PPARD: variants seen among roughly 807,000 people sequenced by gnomAD.
PPARD encodes the protein peroxisome proliferator-activated receptor delta.
PPARD carries 6 observed loss-of-function variants against 39.5 expected under a neutral mutation model. The observed-to-expected ratio is 0.15, with a 90% CI of 0.08 to 0.30. The LOEUF is 0.30. PPARD is among the 10% of genes least tolerant of loss of function. The pLI is 1.00. For missense variants in PPARD, 397 were observed against 596.8 expected (o/e 0.67, Z 3.49); for synonymous variants, 210 against 231.3 (o/e 0.91, Z 0.83).
chr6:35,404,461 G>T (rs2150744636), intron 2 of PPARD, among the ~76,000 whole-genome samples: 1 of 152,310 alleles, frequency 6.6e-6, no homozygotes, highest in East Asian at 1.9e-4. Flanking sequence ...GCTGTACCAT[G>T]TGGCAGATGG....
rs571910188 is a variant in PPARD, at chr6:35,412,090, G to A, written c.130+873G>A. Among the ~76,000 whole-genome samples the A allele has an allele frequency of 3.3e-5, 5 of 152,074 alleles. No individual in the cohort carries two copies. Among genetic ancestry groups the A allele is most frequent in the Non-Finnish European group, 7.4e-5 (5 of 68,000 alleles). Reference sequence around the variant, plus strand: ...ATTATAGGCGTGCACCACCACGCCCGGCTAATTTTTGTATTTTTTTAGTAA... The same window carrying A: ...ATTATAGGCGTGCACCACCACGCCCAGCTAATTTTTGTATTTTTTTAGTAA... On this transcript the variant is annotated intron_variant, in intron 3 of 7. Coordinates refer to ENST00000360694, the MANE Select transcript of PPARD (RefSeq NM_006238.5). The surrounding 1 kb of genome is among the most constrained non-coding windows in gnomAD (Gnocchi z 4.1).
Position 35,426,961 on chromosome 6 carries a change from A to T in PPARD, c.*882A>T, listed in dbSNP as rs45621342. 3.8e-3 allele frequency: 572 copies of T among 152,532 alleles called. 3 individuals carry two copies. Among genetic ancestry groups the T allele is most frequent in the Non-Finnish European group, 7.1e-3 (482 of 68,172 alleles). 9.4% of individuals were successfully genotyped at this position (152,532 alleles called of 1,614,324 possible). ...TCCAGGTGGGCCCCCACCTCACTGA[A>T]GAGGAGCAAGTCTCAAGAGAAGGAG... On this transcript the variant is annotated 3_prime_UTR_variant, in exon 8 of 8. Transcript: ENST00000360694.
At chr6:35,375,553 G>T (rs1303515287) in intron 2 of PPARD, among the ~76,000 whole-genome samples, 5 of 151,380 alleles carry the variant, frequency 3.3e-5, no homozygotes, top group Admixed American at 3.3e-4. Flanking sequence ...TACTTCCGTT[G>T]TTTTTTTCTT....
intron 2 of PPARD, among the ~76,000 whole-genome samples, chr6:35,392,529 G>A (rs1050832242): frequency 2.0e-5 from 3 of 152,134 alleles, no homozygotes; most frequent in Non-Finnish European, 4.4e-5. Context: ...GGCCAGTCCA[G>A]ATGGATGAAG....
chr6:35,412,752 C>G lies in PPARD; in HGVS notation c.130+1535C>G, dbSNP rs766847864. On this transcript the variant is annotated intron_variant, in intron 3 of 7. Coordinates refer to ENST00000360694, the MANE Select transcript of PPARD (RefSeq NM_006238.5). The surrounding 1 kb of genome is among the most constrained non-coding windows in gnomAD (Gnocchi z 4.1). ...AGTAGGCCAAATGTGATTCTAGGGC[C>G]AAAGTGAAGGTGTCCGCCATTCCCC... is the stretch of plus-strand genomic sequence containing the variant. Among the ~76,000 whole-genome samples, 1 of 152,126 alleles carries G rather than the reference C, an allele frequency of 6.6e-6. No homozygotes were observed. The highest frequency in any genetic ancestry group is 1.5e-5 in the Non-Finnish European group (1 of 68,026).
At position 35,424,284 on chromosome 6, in the gene PPARD, T is replaced by A; in HGVS notation, c.628-45T>A. 6.2e-7 allele frequency: 1 copy of A among 1,600,054 alleles called. No individual in the cohort carries two copies. Among genetic ancestry groups the A allele is most frequent in the Non-Finnish European group, 8.5e-7 (1 of 1,170,982 alleles). On this transcript the variant is annotated intron_variant, in intron 6 of 7. Transcript: ENST00000360694. This position sits in a 1 kb window ranked among gnomAD's most constrained non-coding sequence, Gnocchi z 7.1. Reference sequence around the variant, plus strand: ...GGCAAGGGACATGGGGAGCACAGGGTGGGGGTCTCCCGAGGCCTGATCTCT... The same window carrying A: ...GGCAAGGGACATGGGGAGCACAGGGAGGGGGTCTCCCGAGGCCTGATCTCT...
intron 2 of PPARD, among the ~76,000 whole-genome samples, chr6:35,389,250 G>A (rs978254656): frequency 1.3e-5 from 2 of 152,136 alleles, no homozygotes; most frequent in African/African-American, 4.8e-5. Flanking sequence ...AACCTTGTAG[G>A]GTGCTGGAAA....
At chr6:35,421,764 C>A in intron 4 of PPARD, 56 bp from the exon 5 acceptor site, 2 of 1,539,750 alleles carry the variant, frequency 1.3e-6, no homozygotes, top group Non-Finnish European at 1.8e-6. Context: ...GGCCCTTTGG[C>A]ACAGCCTCCC....
chr6:35,421,693 C>CA, intron 4 of PPARD, 127 bp from the exon 5 acceptor site: 1 of 1,047,408 alleles, frequency 9.5e-7, no homozygotes. Context: ...ATCTCCCCTC[C>CA]AAAAAAATTT....
At position 35,424,936 on chromosome 6, in the gene PPARD, G is replaced by T; in HGVS notation, c.1078+157G>T. 6.9e-7 allele frequency: 1 copy of T among 1,440,652 alleles called. No individual in the cohort carries two copies. Among genetic ancestry groups the T allele is most frequent in the Non-Finnish European group, 9.1e-7 (1 of 1,101,888 alleles). 89.2% of individuals were successfully genotyped at this position (1,440,652 alleles called of 1,614,324 possible). On this transcript the variant is annotated intron_variant, in intron 7 of 7. Transcript: ENST00000360694. The surrounding 1 kb of genome is among the most constrained non-coding windows in gnomAD (Gnocchi z 7.1). ...TGCAAGGCACTGACTGAGCATGCAG[G>T]ATCAGCTCCATCTCATTATGTACGT...
intron 2 of PPARD, among the ~76,000 whole-genome samples, chr6:35,387,572 T>A (rs977273856): frequency 2.6e-5 from 4 of 151,784 alleles, no homozygotes; most frequent in African/African-American, 9.7e-5. Flanking sequence ...CACGCTCTCA[T>A]GTGCGTGTGT....
rs771160635 is a variant in PPARD, at chr6:35,425,985, C to A, written c.1232C>A (p.Thr411Asn). 6.2e-7 allele frequency: 1 copy of A among 1,614,190 alleles called. No individual in the cohort carries two copies. The highest frequency in any genetic ancestry group is 1.1e-5 in the South Asian group (1 of 91,090). Residue 411 changes from threonine to asparagine, a missense_variant, in exon 8 of 8, where the codon ACC becomes AAC. Transcript: ENST00000360694. The surrounding 1 kb of genome is among the most constrained non-coding windows in gnomAD (Gnocchi z 4.5). Reference protein sequence around the residue: ...QKMADLRQLVTEHAQMMQRIK... With the variant: ...QKMADLRQLVNEHAQMMQRIK... Reference sequence around the variant, plus strand: ...ATGGCTGACCTGCGGCAACTGGTCACCGAGCACGCCCAGATGATGCAGCGG... The same window carrying A: ...ATGGCTGACCTGCGGCAACTGGTCAACGAGCACGCCCAGATGATGCAGCGG...
chr6:35,383,329 G>C (rs1375457626), intron 2 of PPARD, among the ~76,000 whole-genome samples: 1 of 152,206 alleles, frequency 6.6e-6, no homozygotes, highest in African/African-American at 2.4e-5. Flanking sequence ...TGCGCACTCA[G>C]TGCTCGGTGG....
chr6:35,420,639 A>G (rs1485430873), intron 4 of PPARD, among the ~76,000 whole-genome samples: 1 of 152,192 alleles, frequency 6.6e-6, no homozygotes, highest in African/African-American at 2.4e-5. Context: ...GCTCTGAGAA[A>G]AAAGGACAGA....
chr6:35,377,869 A>ATTTTTTTTTTTTTTTTTTT (rs1478712456), intron 2 of PPARD, among the ~76,000 whole-genome samples: 5 of 103,088 alleles, frequency 4.9e-5, no homozygotes, highest in African/African-American at 1.9e-4. Context: ...TTGTTTACGT[A>ATTTTTTTTTTTTTTTTTTT]TCTTTTTTTT....
At position 35,423,028 on chromosome 6, in the gene PPARD, A is replaced by G. The variant is rs540625344; in HGVS notation, c.425-918A>G. ...AGTCCAGGAGTTTAAGACCAGCCTG[A>G]GCAACATAGTGAGACCTCATCTCTA... On this transcript the variant is annotated intron_variant, in intron 5 of 7. Coordinates refer to ENST00000360694, the MANE Select transcript of PPARD (RefSeq NM_006238.5). Among the ~76,000 whole-genome samples, 115 of 132,654 alleles carry G rather than the reference A, an allele frequency of 8.7e-4. 1 individual carries two copies. The highest frequency in any genetic ancestry group is 2.9e-3 in the African/African-American group (105 of 35,724). 87.0% of individuals were successfully genotyped at this position (132,654 alleles called of 152,430 possible). A position where few individuals can be genotyped will look rare whatever the true frequency, so the allele number is the denominator to read the frequency against.
At chr6:35,422,095 G>T in intron 5 of PPARD, 137 bp downstream of exon 5, 1 of 1,116,852 alleles carries the variant, frequency 9.0e-7, no homozygotes, top group Non-Finnish European at 1.2e-6. Flanking sequence ...ATGGCTGTTG[G>T]CTGTTGGCTT....
At chr6:35,399,228 C>T (rs1402887915) in intron 2 of PPARD, among the ~76,000 whole-genome samples, 2 of 151,844 alleles carry the variant, frequency 1.3e-5, no homozygotes, top group Non-Finnish European at 2.9e-5. Flanking sequence ...GGTGAAACTC[C>T]ATCTCTACTA....
At chr6:35,348,010 C>T (rs1392287029) in intron 2 of PPARD, among the ~76,000 whole-genome samples, 2 of 150,548 alleles carry the variant, frequency 1.3e-5, no homozygotes, top group African/African-American at 2.5e-5. Flanking sequence ...TAGGTTCAAG[C>T]GATTCTCCTA....
Sources: gnomAD v4.1 joint callset for allele counts (sites outside exome capture counted in the v4.1 genomes callset) on GRCh38, gnomAD v4.1.1 for gene constraint, Gnocchi (gnomAD v3.1) non-coding constraint, MANE v1.5 for transcripts, NCBI Gene and HGNC (gene_info 2026-07-23, HGNC 2026-07-21) for gene names.